The following DYRK1A variants were observed in gnomAD, a reference collection of about 807,000 sequenced individuals.
DYRK1A encodes dual specificity tyrosine phosphorylation regulated kinase 1A, also known as dual specificity tyrosine-phosphorylation-regulated kinase 1A.
A neutral mutation model predicts 79.7 loss-of-function variants in DYRK1A; 9 were observed. That is an observed-to-expected ratio of 0.11 (90% CI 0.07 to 0.20). The LOEUF (loss-of-function observed/expected upper bound fraction) is 0.20, where lower values mean the gene tolerates loss of function less well. Ranked by LOEUF, DYRK1A falls within the 10% of genes least tolerant of loss-of-function variation. The probability of loss-of-function intolerance (pLI) is 1.00; values close to 1 mark genes in which losing one functional copy is unlikely to be tolerated. For synonymous variants in DYRK1A, 349 were observed against 329.7 expected (o/e 1.06, Z -0.63); for missense variants, 622 against 956.0 (o/e 0.65, Z 4.61).
chr21:37,402,005 G>C (rs2050062917), intron 1 of DYRK1A, among the ~76,000 whole-genome samples: 1 of 152,000 alleles, frequency 6.6e-6, no homozygotes, highest in Non-Finnish European at 1.5e-5. Flanking sequence ...CCATTCCCCA[G>C]TTGCCAAATG....
intron 1 of DYRK1A, among the ~76,000 whole-genome samples, chr21:37,409,058 C>T (rs886134683): frequency 6.6e-6 from 1 of 152,006 alleles, no homozygotes; most frequent in Non-Finnish European, 1.5e-5. Context: ...TGGGTTTGGA[C>T]GTGGCATTTA....
intron 1 of DYRK1A, chr21:37,415,353 C>T (rs1335742441): frequency 6.6e-6 from 1 of 152,198 alleles, no homozygotes; most frequent in Non-Finnish European, 1.5e-5. Context: ...TAATCCAGCA[C>T]CCATGTTTAT....
At chr21:37,495,066 G>T (rs1311021799) in intron 8 of DYRK1A, among the ~76,000 whole-genome samples, 1 of 151,584 alleles carries the variant, frequency 6.6e-6, no homozygotes, top group African/African-American at 2.4e-5. Context: ...CACTGAATAT[G>T]GTTCCTAGCA....
chr21:37,513,021 C>A lies in DYRK1A; in HGVS notation c.*490C>A. The A allele has an allele frequency of 6.3e-6, 1 of 158,278 alleles. No individual in the cohort carries two copies. The highest frequency in any genetic ancestry group is 2.5e-5 in the African/African-American group (1 of 40,528). The allele number at this position is 158,278 out of a possible 1,614,324, so 9.8% of individuals were successfully genotyped here. A position where few individuals can be genotyped will look rare whatever the true frequency, so the allele number is the denominator to read the frequency against. On this transcript the variant is annotated 3_prime_UTR_variant, in exon 12 of 12. Transcript: ENST00000647188. ...GGGTGGGAAATTTGGGTTTTTAAGT[C>A]CTCTAAACACACTTGGGCACGGAAA...
At chr21:37,382,737 ATAAC>A (rs1400719351) in intron 1 of DYRK1A, among the ~76,000 whole-genome samples, 1 of 152,232 alleles carries the variant, frequency 6.6e-6, no homozygotes, top group African/African-American at 2.4e-5. Flanking sequence ...TACTGAATGA[ATAAC>A]TATTTATTAT....
intron 2 of DYRK1A, among the ~76,000 whole-genome samples, chr21:37,427,582 A>G (rs1017280303): frequency 1.3e-5 from 2 of 152,186 alleles, no homozygotes; most frequent in Admixed American, 1.3e-4. Flanking sequence ...GTTTAAGTGG[A>G]TACTATTATC....
Position 37,486,353 on chromosome 21 carries a change from A to C in DYRK1A, c.490-114A>C, listed in dbSNP as rs558735568. On this transcript the variant is annotated intron_variant, in intron 5 of 11. Coordinates refer to ENST00000647188, the MANE Select transcript of DYRK1A (RefSeq NM_001347721.2). ...TCTACTTAGGAAGGTCAGAAAAATA[A>C]TTATAAAAACATATAATTGAGAATT... 3.3e-4 allele frequency: 280 copies of C among 857,418 alleles called. 1 individual carries two copies. In the African/African-American group the frequency reaches 4.4e-3, roughly 14 times the overall value. 53.1% of individuals were successfully genotyped at this position (857,418 alleles called of 1,614,324 possible). A position where few individuals can be genotyped will look rare whatever the true frequency, so the allele number is the denominator to read the frequency against.
At chr21:37,432,392 C>T (rs1226060708) in intron 2 of DYRK1A, among the ~76,000 whole-genome samples, 1 of 152,082 alleles carries the variant, frequency 6.6e-6, no homozygotes, top group Admixed American at 6.6e-5. Context: ...AGCAGGATTG[C>T]CCTTAGGTTA....
Position 37,493,145 on chromosome 21 carries a change from G to A in DYRK1A, c.1053G>A (p.Leu351=). Residue 351 remains leucine (L), a synonymous_variant, in exon 8 of 12, where the codon CTG becomes CTA. Transcript: ENST00000647188. ...ILVEMHTGEP[L]FSGANEVDQM... is the part of the protein sequence containing the mutation. Reference sequence around the variant, plus strand: ...TTGAAATGCACACTGGAGAACCTCTGTTCAGTGGTGCCAATGAGGTAAATG... The same window carrying A: ...TTGAAATGCACACTGGAGAACCTCTATTCAGTGGTGCCAATGAGGTAAATG... 6.2e-7 allele frequency: 1 copy of A among 1,611,534 alleles called. No individual in the cohort carries two copies. The highest frequency in any genetic ancestry group is 8.5e-7 in the Non-Finnish European group (1 of 1,178,044).
chr21:37,454,085 CTTTTTTT>C (rs571859735), intron 2 of DYRK1A, among the ~76,000 whole-genome samples: 11 of 59,626 alleles, frequency 1.8e-4, no homozygotes, highest in African/African-American at 5.3e-4. Context: ...ATGTAGTCTC[CTTTTTTT>C]TTTTTTTTTT....
chr21:37,415,920 TGTTTAGGGTG>T (rs1308594007), intron 1 of DYRK1A, among the ~76,000 whole-genome samples: 1 of 152,166 alleles, frequency 6.6e-6, no homozygotes, highest in African/African-American at 2.4e-5. Context: ...TGTTTTTTCA[TGTTTAGGGTG>T]GTTGATGCAG....
chr21:37,452,810 A>G (rs2051503327), intron 2 of DYRK1A, among the ~76,000 whole-genome samples: 1 of 150,780 alleles, frequency 6.6e-6, no homozygotes, highest in South Asian at 2.1e-4. Flanking sequence ...AGCAAAATAC[A>G]AACTCCAGGA....
At chr21:37,450,597 G>T (rs746228316) in intron 2 of DYRK1A, among the ~76,000 whole-genome samples, 21 of 152,162 alleles carry the variant, frequency 1.4e-4, no homozygotes, top group Non-Finnish European at 2.5e-4. Context: ...CAGCAGAGAA[G>T]TCATTCTGAT....
intron 1 of DYRK1A, among the ~76,000 whole-genome samples, chr21:37,381,147 T>A (rs886374285): frequency 1.3e-5 from 2 of 152,242 alleles, no homozygotes; most frequent in Non-Finnish European, 2.9e-5. Context: ...AATAAACATT[T>A]GTTGAATGAA....
chr21:37,444,274 G>A (rs2051196358), intron 2 of DYRK1A, among the ~76,000 whole-genome samples: 1 of 152,200 alleles, frequency 6.6e-6, no homozygotes, highest in Admixed American at 6.5e-5. Flanking sequence ...TTTATAACTA[G>A]TGATTACCCG....
chr21:37,510,128 A>G lies in DYRK1A; in HGVS notation c.1645-1783A>G, dbSNP rs570562337. Among the ~76,000 whole-genome samples, 56 of 152,344 alleles carry G rather than the reference A, an allele frequency of 3.7e-4. No homozygotes were observed. The South Asian group carries it at 0.012, about 32-fold the overall frequency. On this transcript the variant is annotated intron_variant, in intron 11 of 11. Transcript: ENST00000647188. ...CTTGTGGATAAGGAGGCACCACTGT[A>G]CATGTCTCATTCACACATAGACATT...
intron 4 of DYRK1A, among the ~76,000 whole-genome samples, chr21:37,479,709 C>A (rs546866936): frequency 1.4e-5 from 2 of 146,174 alleles, no homozygotes; most frequent in African/African-American, 5.0e-5. Flanking sequence ...CTCACCGCAA[C>A]CTCCGCCTCC....
At chr21:37,467,692 G>C (rs1475980221) in intron 2 of DYRK1A, among the ~76,000 whole-genome samples, 1 of 152,178 alleles carries the variant, frequency 6.6e-6, no homozygotes, top group Non-Finnish European at 1.5e-5. Flanking sequence ...GCAGTAGAAG[G>C]AAACTTTGTT....
intron 2 of DYRK1A, among the ~76,000 whole-genome samples, chr21:37,429,415 A>G (rs902671631): frequency 1.3e-5 from 2 of 152,186 alleles, no homozygotes; most frequent in Non-Finnish European, 2.9e-5. Flanking sequence ...ACGGTTCCAC[A>G]GGTTATACAT....
Sources: allele counts gnomAD v4.1 joint callset (sites outside exome capture counted in the v4.1 genomes callset), GRCh38; gene constraint gnomAD v4.1.1; transcripts MANE v1.5; gene names NCBI Gene and HGNC (gene_info 2026-07-23, HGNC 2026-07-21).